The following TCHP variants were observed in gnomAD, a reference collection of about 807,000 sequenced individuals.
TCHP encodes trichoplein keratin filament binding.
In TCHP, 81 loss-of-function variants were observed where a neutral mutation model predicts 88.7. The observed-to-expected ratio is 0.91, with a 90% confidence interval of 0.76 to 1.10. The LOEUF is 1.10. Among genes scored for constraint, TCHP ranks in the 50% least tolerant of loss-of-function variants. The pLI is 0.00. For synonymous variants in TCHP, 232 were observed against 232.5 expected (o/e 1.00, Z 0.02); for missense variants, 641 against 632.1 (o/e 1.01, Z -0.15).
chr12:109,883,134 A>G, the TCHP span, among the ~76,000 whole-genome samples: 6 of 151,070 alleles, frequency 4.0e-5, no homozygotes, highest in Non-Finnish European at 5.9e-5. Flanking sequence ...TCTGGGCTCA[A>G]GGGATTCTCC....
chr12:109,901,118 G>C (rs1007651166), intron 1 of TCHP: 1 of 152,094 alleles, frequency 6.6e-6, no homozygotes, highest in African/African-American at 2.4e-5. Flanking sequence ...CCCCTCCCCG[G>C]GGACTGCCAG....
At chr12:109,891,569 G>A in the TCHP span, among the ~76,000 whole-genome samples, 1 of 141,060 alleles carries the variant, frequency 7.1e-6, no homozygotes, top group Non-Finnish European at 1.6e-5. Flanking sequence ...AATTTTTTGG[G>A]TTTTTTTTTT....
chr12:109,904,943 A>T (rs1184027090), intron 4 of TCHP, 150 bp downstream of exon 4: 1 of 663,808 alleles, frequency 1.5e-6, no homozygotes, highest in Non-Finnish European at 2.6e-6. Flanking sequence ...AAGATCTGGC[A>T]CAGGCTGCGC....
chr12:109,896,776 G>A (rs942655508), upstream of TCHP, among the ~76,000 whole-genome samples: 5 of 152,060 alleles, frequency 3.3e-5, no homozygotes, highest in African/African-American at 7.2e-5. Context: ...TTAGCCGGAC[G>A]TGGTGGCGGG....
chr12:109,886,909 A>T, the TCHP span, among the ~76,000 whole-genome samples: 2,616 of 151,856 alleles, frequency 0.017, 76 homozygotes, highest in African/African-American at 0.06. Flanking sequence ...GGGTTTCACC[A>T]TGTTGGTCAG....
At position 109,912,967 on chromosome 12, in the gene TCHP, G is replaced by C. The variant is rs112230667; in HGVS notation, c.1053-24G>C. 510 of 1,608,994 alleles carry C rather than the reference G, an allele frequency of 3.2e-4. 2 individuals are homozygous for C. In the African/African-American group the frequency reaches 6.0e-3, roughly 19 times the overall value. ...CTGCCAGGGCGGGGAGGAGCCTGCT[G>C]TCATCCCTTTTGTGTTTGCCCAGGG... On this transcript the variant is annotated intron_variant, in intron 9 of 12. Transcript: ENST00000405876.
the TCHP span, among the ~76,000 whole-genome samples, chr12:109,894,368 G>A: frequency 3.3e-5 from 5 of 151,452 alleles, no homozygotes; most frequent in Admixed American, 6.6e-5. Flanking sequence ...GCTGAGGCAG[G>A]AGAATGGTGT....
chr12:109,911,144 G>T lies in TCHP; in HGVS notation c.961G>T (p.Val321Phe). 6.3e-7 allele frequency: 1 copy of T among 1,597,624 alleles called. No homozygotes were observed. ...CCTCCACCTGGCCAGGCGGGAGCAGGTCATGGCCGATGTGGCCTGGATGAA... is the reference window on the plus strand; with the variant it reads ...CCTCCACCTGGCCAGGCGGGAGCAGTTCATGGCCGATGTGGCCTGGATGAA... ...QRLHLARREQVMADVAWMKQA... is the reference protein window; with the variant it reads ...QRLHLARREQFMADVAWMKQA... Residue 321 changes from valine (V) to phenylalanine (F), a missense_variant, in exon 9 of 13, where the codon GTC (valine) becomes TTC (phenylalanine). By Grantham distance (50) the Val-to-Phe change is conservative. Transcript: ENST00000405876.
chr12:109,896,903 G>C (rs1260781009), upstream of TCHP, among the ~76,000 whole-genome samples: 1 of 152,158 alleles, frequency 6.6e-6, no homozygotes, highest in Admixed American at 6.5e-5. Context: ...GGGTGATAGA[G>C]TGAGACTCTG....
chr12:109,887,418 A>C, the TCHP span, among the ~76,000 whole-genome samples: 2 of 151,880 alleles, frequency 1.3e-5, no homozygotes, highest in Admixed American at 6.5e-5. Flanking sequence ...TCAAAAAAAA[A>C]AAAACAAAAA....
At chr12:109,895,407 G>C (rs1003469224), upstream of TCHP, among the ~76,000 whole-genome samples, 3 of 151,700 alleles carry the variant, frequency 2.0e-5, no homozygotes, top group African/African-American at 7.3e-5. Flanking sequence ...GAGATGGGGT[G>C]GGGGGTCTCT....
upstream of TCHP, among the ~76,000 whole-genome samples, chr12:109,899,326 C>T (rs1196936135): frequency 6.6e-6 from 1 of 152,146 alleles, no homozygotes; most frequent in African/African-American, 2.4e-5. Context: ...TTTGAACTCA[C>T]CACCAATATA....
intron 1 of TCHP, among the ~76,000 whole-genome samples, chr12:109,901,825 G>T (rs546433796): frequency 6.6e-6 from 1 of 152,010 alleles, no homozygotes; most frequent in African/African-American, 2.4e-5. Context: ...CCCCTTCCTC[G>T]GGCCAAGAGA....
rs1195366579 is a variant in TCHP at position 109,914,585 on chromosome 12, T to C, written c.1278T>C (p.Ser426=). The C allele has an allele frequency of 1.3e-5, 21 of 1,612,302 alleles. No individual in the cohort carries two copies. Among genetic ancestry groups the C allele is most frequent in the Non-Finnish European group, 1.8e-5 (21 of 1,179,764 alleles). Residue 426 remains serine, a synonymous_variant, in exon 11 of 13, where the codon AGT becomes AGC. Coordinates refer to ENST00000405876, the MANE Select transcript of TCHP (RefSeq NM_001143852.2). Reference sequence around the variant, plus strand: ...TGGCTCGTCGCGAGAAAGAGGAGAGTGAAAAGCTGAAATCGGCCAGGAAGC... The same window carrying C: ...TGGCTCGTCGCGAGAAAGAGGAGAGCGAAAAGCTGAAATCGGCCAGGAAGC... The part of the protein sequence containing the change: ...RELARREKEE[S]EKLKSARKQE...
the TCHP span, among the ~76,000 whole-genome samples, chr12:109,885,645 C>A: frequency 6.6e-6 from 1 of 152,034 alleles, no homozygotes; most frequent in Admixed American, 6.6e-5. Context: ...TCACGCCCAG[C>A]TAATTTTTTG....
At chr12:109,915,654 G>A (rs932849332) in intron 12 of TCHP, 108 bp downstream of exon 12, 58 of 1,293,958 alleles carry the variant, frequency 4.5e-5, no homozygotes, top group East Asian at 7.6e-5. Flanking sequence ...CTCTCCGGCC[G>A]TCCGGGTTAT....
chr12:109,907,922 C>T (rs1367403056), intron 6 of TCHP, among the ~76,000 whole-genome samples: 1 of 152,242 alleles, frequency 6.6e-6, no homozygotes, highest in East Asian at 1.9e-4. Context: ...GACATGGAGC[C>T]AGTAGCTGTT....
chr12:109,898,836 G>T (rs1869636823), upstream of TCHP, among the ~76,000 whole-genome samples: 1 of 151,880 alleles, frequency 6.6e-6, no homozygotes, highest in Admixed American at 6.6e-5. Context: ...TATTTAATTT[G>T]GAGGTGGAGT....
upstream of TCHP, among the ~76,000 whole-genome samples, chr12:109,897,135 G>A (rs1037469856): frequency 1.9e-4 from 29 of 152,102 alleles, no homozygotes. Context: ...CCACCTTTTC[G>A]AGGCTTAGTT....
Sources: allele counts gnomAD v4.1 joint callset (sites outside exome capture counted in the v4.1 genomes callset), GRCh38; gene constraint gnomAD v4.1.1; transcripts MANE v1.5; gene names NCBI Gene and HGNC (gene_info 2026-07-23, HGNC 2026-07-21).